PFKFB3: variants seen among roughly 807,000 people sequenced by gnomAD.
The protein encoded by PFKFB3 is 6-phosphofructo-2-kinase/fructose-2,6-biphosphatase 3.
In PFKFB3, 33 loss-of-function variants were observed where a neutral mutation model predicts 68.0. The observed-to-expected ratio is 0.49, with a 90% CI of 0.37 to 0.65. The LOEUF is 0.65. PFKFB3 is among the 30% of genes least tolerant of loss of function. The pLI is 0.00. For synonymous variants in PFKFB3, 315 were observed against 288.2 expected (o/e 1.09, Z -0.94); for missense variants, 586 against 712.2 (o/e 0.82, Z 2.02).
the PFKFB3 span, chr10:6,326,616 G>A: frequency 3.5e-3 from 1,560 of 450,136 alleles, 26 homozygotes; most frequent in African/African-American, 0.029. Flanking sequence ...GAGGAAGTGT[G>A]AAAACGTTTC....
chr10:6,207,490 C>T (rs1300949803), intron 1 of PFKFB3, among the ~76,000 whole-genome samples: 1 of 152,098 alleles, frequency 6.6e-6, no homozygotes, highest in Non-Finnish European at 1.5e-5. Flanking sequence ...TGGGGTCTTG[C>T]TATGTTGCTC....
the PFKFB3 span, among the ~76,000 whole-genome samples, chr10:6,297,502 CCTT>C: frequency 2.8e-4 from 43 of 151,280 alleles, no homozygotes; most frequent in African/African-American, 1.0e-3. Flanking sequence ...AGTGAGGTGT[CCTT>C]CTTTTTTTTT....
In PFKFB3 at chr10:6,228,173, C is replaced by G. The variant is rs755510084; in HGVS notation, c.1515+1808C>G. The G allele has an allele frequency of 2.0e-5, 33 of 1,610,430 alleles. No individual in the cohort carries two copies. The highest frequency in any genetic ancestry group is 2.8e-5 in the Non-Finnish European group (33 of 1,179,758). On this transcript the variant is annotated intron_variant, in intron 14 of 14. Coordinates refer to ENST00000379775, the MANE Select transcript of PFKFB3 (RefSeq NM_004566.4). This position sits in a 1 kb window ranked among gnomAD's most constrained non-coding sequence, Gnocchi z 4.5. Reference sequence around the variant, plus strand: ...TTGCGCCCTGCCTCCTGACTGACTTCTCTCTCTGCTTCTCCTCCGCAGCCT... The same window carrying G: ...TTGCGCCCTGCCTCCTGACTGACTTGTCTCTCTGCTTCTCCTCCGCAGCCT...
the PFKFB3 span, among the ~76,000 whole-genome samples, chr10:6,275,394 G>T: frequency 6.6e-6 from 1 of 152,196 alleles, no homozygotes; most frequent in African/African-American, 2.4e-5. The surrounding 1 kb of genome is among the most constrained non-coding windows in gnomAD (Gnocchi z 4.9). Context: ...ACTCAGACAG[G>T]AAGTAGCTGA....
the PFKFB3 span, among the ~76,000 whole-genome samples, chr10:6,285,225 A>G: frequency 5.0e-5 from 7 of 139,506 alleles, no homozygotes; most frequent in East Asian, 1.5e-3. Flanking sequence ...TACAATCTCT[A>G]TTTTTTTTTT....
intron 1 of PFKFB3, among the ~76,000 whole-genome samples, chr10:6,156,845 A>T (rs373457097): frequency 6.6e-6 from 1 of 151,770 alleles, no homozygotes; most frequent in East Asian, 2.0e-4. Context: ...TAATCCCAGC[A>T]CTTTGGGAGG....
rs774221690 is a variant in PFKFB3, at chr10:6,229,121, T to C, written c.1515+2756T>C. 12 of 523,264 alleles carry C rather than the reference T, an allele frequency of 2.3e-5. No homozygotes were observed. In the East Asian group the frequency reaches 6.2e-4, roughly 27 times the overall value. The allele number at this position is 523,264 out of a possible 1,614,324, so 32.4% of individuals were successfully genotyped here. A position where few individuals can be genotyped will look rare whatever the true frequency, so the allele number is the denominator to read the frequency against. The stretch of plus-strand genomic sequence containing the variant: ...CTACTTTATGCAGAAACTGGAAAGG[T>C]GTGATGAGGAATGCAGCCTGAGATG... On this transcript the variant is annotated intron_variant, in intron 14 of 14. Coordinates refer to ENST00000379775, the MANE Select transcript of PFKFB3 (RefSeq NM_004566.4). This position sits in a 1 kb window ranked among gnomAD's most constrained non-coding sequence, Gnocchi z 4.3.
At chr10:6,156,662 AT>A (rs112799112) in intron 1 of PFKFB3, among the ~76,000 whole-genome samples, 16,427 of 149,894 alleles carry the variant, frequency 0.11, 1,104 homozygotes, top group East Asian at 0.24. Flanking sequence ...TAATTTTTGT[AT>A]TTTTAGTAGA....
At chr10:6,253,221 A>G (rs1265935903) in intron 14 of PFKFB3, among the ~76,000 whole-genome samples, 1 of 152,092 alleles carries the variant, frequency 6.6e-6, no homozygotes, top group Non-Finnish European at 1.5e-5. Context: ...CCCGGCCTAT[A>G]TTTGGATCTT....
At chr10:6,278,507 C>G in the PFKFB3 span, among the ~76,000 whole-genome samples, 1 of 152,012 alleles carries the variant, frequency 6.6e-6, no homozygotes, top group Non-Finnish European at 1.5e-5. Flanking sequence ...GAACTCCTGA[C>G]CTCATGATCT....
intron 1 of PFKFB3, among the ~76,000 whole-genome samples, chr10:6,191,256 A>G (rs974389345): frequency 4.6e-5 from 7 of 152,244 alleles, no homozygotes; most frequent in African/African-American, 1.4e-4. Flanking sequence ...AGAAATTGAA[A>G]CAGAACTATT....
chr10:6,219,739 C>T, intron 7 of PFKFB3, 46 bp downstream of exon 7: 1 of 1,595,370 alleles, frequency 6.3e-7, no homozygotes, highest in Non-Finnish European at 8.6e-7. Flanking sequence ...CATGAGGGTT[C>T]TTACTGAATT....
At chr10:6,166,818 CTTCT>C (rs1326930353) in intron 1 of PFKFB3, among the ~76,000 whole-genome samples, 17 of 129,770 alleles carry the variant, frequency 1.3e-4, no homozygotes, top group South Asian at 2.4e-4. Flanking sequence ...AGCCCTTCTT[CTTCT>C]TTTTTTTTTT....
chr10:6,221,167 G>A (rs922346519), intron 8 of PFKFB3, among the ~76,000 whole-genome samples: 1 of 152,126 alleles, frequency 6.6e-6, no homozygotes, highest in Non-Finnish European at 1.5e-5. Context: ...TGTGTGTGAT[G>A]TGTGCGCGGT....
chr10:6,212,199 C>T (rs1250215566), intron 1 of PFKFB3, among the ~76,000 whole-genome samples: 1 of 152,254 alleles, frequency 6.6e-6, no homozygotes, highest in East Asian at 1.9e-4. Context: ...CAGGCGGGAG[C>T]TGGCGGGTAT....
intron 1 of PFKFB3, among the ~76,000 whole-genome samples, chr10:6,192,366 C>CTTTTTTTTTTTTTTTTTTT (rs149846128): frequency 8.8e-6 from 1 of 113,068 alleles, no homozygotes; most frequent in Non-Finnish European, 1.8e-5. Flanking sequence ...TTTCTTTCTT[C>CTTTTTTTTTTTTTTTTTTT]TTTTTTTTTT....
At chr10:6,193,810 G>C (rs990272361) in intron 1 of PFKFB3, among the ~76,000 whole-genome samples, 3 of 152,124 alleles carry the variant, frequency 2.0e-5, no homozygotes, top group African/African-American at 7.2e-5. Flanking sequence ...TCTTAAGGGT[G>C]GGGGAGATTG....
intron 1 of PFKFB3, among the ~76,000 whole-genome samples, chr10:6,177,419 T>TTCTTTCTTTCTTTCTTCTTTC (rs1564599768): frequency 3.0e-5 from 4 of 132,342 alleles, no homozygotes; most frequent in Non-Finnish European, 6.6e-5. Flanking sequence ...TTCTTTCTCT[T>TTCTTTCTTTCTTTCTTCTTTC]TCTTCCTTTC....
chr10:6,227,878 C>T (rs1404716689), intron 14 of PFKFB3, among the ~76,000 whole-genome samples: 13 of 152,090 alleles, frequency 8.5e-5, no homozygotes, highest in South Asian at 4.1e-4. Context: ...CTGTGGCATC[C>T]GTTCTGATGG....
Sources: gnomAD v4.1 joint callset for allele counts (sites outside exome capture counted in the v4.1 genomes callset) on GRCh38, gnomAD v4.1.1 for gene constraint, Gnocchi (gnomAD v3.1) non-coding constraint, MANE v1.5 for transcripts, NCBI Gene and HGNC (gene_info 2026-07-23, HGNC 2026-07-21) for gene names.